PRKCB: variants seen among roughly 807,000 people sequenced by gnomAD.
PRKCB encodes protein kinase C beta.
Under a neutral mutation model 81.5 loss-of-function variants are expected in PRKCB, and 13 were observed. The observed-to-expected ratio is 0.16, with a 90% confidence interval of 0.10 to 0.25. PRKCB has a LOEUF of 0.25. Ranked by LOEUF, PRKCB falls within the 10% of genes least tolerant of loss-of-function variation. PRKCB has a pLI of 1.00. For missense variants in PRKCB, 509 were observed against 875.7 expected, an observed-to-expected ratio of 0.58 and a Z score of 5.29; for synonymous variants, 335 against 321.4, an observed-to-expected ratio of 1.04 and a Z score of -0.45.
intron 2 of PRKCB, among the ~76,000 whole-genome samples, chr16:23,926,780 C>T (rs1253290047): frequency 6.6e-6 from 1 of 151,754 alleles, no homozygotes; most frequent in African/African-American, 2.4e-5. Context: ...CGTATGAGTG[C>T]AGGCATCTTT....
At chr16:24,046,805 G>A (rs985025142) in intron 5 of PRKCB, among the ~76,000 whole-genome samples, 1 of 152,190 alleles carries the variant, frequency 6.6e-6, no homozygotes, top group Non-Finnish European at 1.5e-5. Context: ...TAGATCCCAG[G>A]AGTATCTGAA....
At chr16:24,117,889 C>G (rs12708655) in intron 8 of PRKCB, among the ~76,000 whole-genome samples, 4 of 152,150 alleles carry the variant, frequency 2.6e-5, no homozygotes, top group Non-Finnish European at 5.9e-5. Context: ...GGTTATCCGT[C>G]GGCTCCCCTT....
intron 2 of PRKCB, among the ~76,000 whole-genome samples, chr16:23,934,846 G>C (rs1317243370): frequency 1.3e-5 from 2 of 152,194 alleles, no homozygotes; most frequent in African/African-American, 4.8e-5. Flanking sequence ...GAGGAAGCCA[G>C]TGTGGTAGGA....
chr16:24,054,715 C>T (rs1482529017), intron 5 of PRKCB, among the ~76,000 whole-genome samples: 1 of 152,200 alleles, frequency 6.6e-6, no homozygotes, highest in Non-Finnish European at 1.5e-5. Flanking sequence ...CCGTTGACAG[C>T]TCATTTATGT....
chr16:23,934,799 G>A (rs1964035967), intron 2 of PRKCB, among the ~76,000 whole-genome samples: 1 of 152,098 alleles, frequency 6.6e-6, no homozygotes, highest in African/African-American at 2.4e-5. Context: ...TCCAGTTGAG[G>A]CCCTTGGGGT....
intron 8 of PRKCB, among the ~76,000 whole-genome samples, chr16:24,122,976 C>A (rs1314295534): frequency 6.6e-6 from 1 of 152,150 alleles, no homozygotes; most frequent in Non-Finnish European, 1.5e-5. Context: ...ATTTATGCAA[C>A]AAATATTTAG....
chr16:24,121,036 C>G (rs1486403159), intron 8 of PRKCB, among the ~76,000 whole-genome samples: 1 of 152,222 alleles, frequency 6.6e-6, no homozygotes, highest in Non-Finnish European at 1.5e-5. Flanking sequence ...CTTTCAAAGG[C>G]TGTCTGTCAT....
chr16:24,069,612 C>T (rs529113969), intron 5 of PRKCB, among the ~76,000 whole-genome samples: 1 of 152,260 alleles, frequency 6.6e-6, no homozygotes, highest in Admixed American at 6.5e-5. Flanking sequence ...CATGGTCGTA[C>T]ACCTGTAGTC....
chr16:24,122,780 A>C (rs1966815987), intron 8 of PRKCB, among the ~76,000 whole-genome samples: 1 of 152,160 alleles, frequency 6.6e-6, no homozygotes. Flanking sequence ...TTTTAACTCC[A>C]CAGTTTTCTC....
At chr16:24,182,873 T>TGTG (rs1555501178) in intron 13 of PRKCB, among the ~76,000 whole-genome samples, 1 of 133,520 alleles carries the variant, frequency 7.5e-6, no homozygotes, top group Non-Finnish European at 1.6e-5. Context: ...ACATTGTTTC[T>TGTG]TGTGTGTGTG....
At chr16:23,928,440 C>T (rs1963926527) in intron 2 of PRKCB, among the ~76,000 whole-genome samples, 1 of 152,090 alleles carries the variant, frequency 6.6e-6, no homozygotes, top group African/African-American at 2.4e-5. Flanking sequence ...CAGACATTTA[C>T]TGAGCAAGAG....
At chr16:23,872,352 T>C (rs1366222879) in intron 2 of PRKCB, among the ~76,000 whole-genome samples, 1 of 152,170 alleles carries the variant, frequency 6.6e-6, no homozygotes, top group Non-Finnish European at 1.5e-5. Flanking sequence ...ACTTCGTCTT[T>C]ACAAAAAATT....
rs182371635 is a variant in PRKCB at position 24,175,530 on chromosome 16, T to C, written c.1394+950T>C. Reference sequence around the variant, plus strand: ...CAAGTAGTGATAAGTACTATGGAGATAAATCAAGCAGGGGAGGGTGCTGGT... The same window carrying C: ...CAAGTAGTGATAAGTACTATGGAGACAAATCAAGCAGGGGAGGGTGCTGGT... On this transcript the variant is annotated intron_variant, in intron 12 of 16. Transcript: ENST00000643927. Among the ~76,000 whole-genome samples the C allele has an allele frequency of 5.1e-3, 778 of 151,748 alleles. 7 individuals are homozygous for C. The highest frequency in any genetic ancestry group is 9.0e-3 in the Non-Finnish European group (611 of 67,950).
intron 9 of PRKCB, among the ~76,000 whole-genome samples, chr16:24,140,633 A>G (rs1316526078): frequency 1.3e-5 from 2 of 152,066 alleles, no homozygotes; most frequent in South Asian, 2.1e-4. Context: ...GGACTGGCTT[A>G]TGGGTTCACG....
intron 8 of PRKCB, among the ~76,000 whole-genome samples, chr16:24,119,280 G>T (rs904247018): frequency 6.6e-6 from 1 of 152,098 alleles, no homozygotes; most frequent in African/African-American, 2.4e-5. Context: ...GGAGTTTCTA[G>T]TGCTGAGGGA....
intron 3 of PRKCB, among the ~76,000 whole-genome samples, chr16:23,999,105 G>A (rs891558649): frequency 7.9e-5 from 12 of 152,228 alleles, no homozygotes; most frequent in Non-Finnish European, 1.5e-4. Context: ...TCTGCTCATG[G>A]TTGGAGGCAT....
intron 2 of PRKCB, among the ~76,000 whole-genome samples, chr16:23,933,768 CTCCATCCATCCATCCATCCA>C (rs377110328): frequency 4.8e-5 from 6 of 125,628 alleles, no homozygotes; most frequent in African/African-American, 9.5e-5. Flanking sequence ...CATCTATCCA[CTCCATCCATCCATCCATCCA>C]TCCATCCATC....
At chr16:24,108,822 C>A (rs1331075715) in intron 7 of PRKCB, among the ~76,000 whole-genome samples, 1 of 152,062 alleles carries the variant, frequency 6.6e-6, no homozygotes, top group Admixed American at 6.5e-5. Context: ...TTCTATTCCA[C>A]AAAGCCGCCA....
At chr16:23,870,987 G>A (rs1180951863) in intron 2 of PRKCB, among the ~76,000 whole-genome samples, 3 of 152,212 alleles carry the variant, frequency 2.0e-5, no homozygotes, top group Non-Finnish European at 4.4e-5. Context: ...GACCCCGTGG[G>A]TCTCCTTTTC....
Sources: allele counts gnomAD v4.1 joint callset (sites outside exome capture counted in the v4.1 genomes callset), GRCh38; gene constraint gnomAD v4.1.1; transcripts MANE v1.5; gene names NCBI Gene and HGNC (gene_info 2026-07-23, HGNC 2026-07-21).